The following ZDHHC11 variants were observed in gnomAD, a reference collection of about 807,000 sequenced individuals.
ZDHHC11 encodes the protein zDHHC palmitoyltransferase 11, also known as palmitoyltransferase ZDHHC11.
Under a neutral mutation model 51.3 loss-of-function variants are expected in ZDHHC11, and 44 were observed. The ratio of observed to expected loss-of-function variants is 0.86; its 90% CI spans 0.67 to 1.10. The LOEUF is 1.10. ZDHHC11 is among the 50% of genes least tolerant of loss of function. ZDHHC11 has a pLI of 0.00. For synonymous variants in ZDHHC11, 163 were observed against 222.0 expected, an observed-to-expected ratio of 0.73 and a Z score of 2.36; for missense variants, 400 against 537.7, an observed-to-expected ratio of 0.74 and a Z score of 2.53.
rs1554050773 is a variant in ZDHHC11, at chr5:809,014, C to CACACACAT, written c.1181+5746_1181+5747insATGTGTGT. ...ACACACACACACACACACACACACA[C>CACACACAT]GCACACTATTTATTCCCCACCTGTC... is the stretch of plus-strand genomic sequence containing the variant. On this transcript the variant is annotated intron_variant, in intron 11 of 12. Coordinates refer to ENST00000283441, the MANE Select transcript of ZDHHC11 (RefSeq NM_024786.3). Among the ~76,000 whole-genome samples the CACACACAT allele has an allele frequency of 1.9e-3, 260 of 138,760 alleles. 5 individuals carry two copies. The highest frequency in any genetic ancestry group is 5.9e-3 in the African/African-American group (218 of 37,222). 91.0% of individuals were successfully genotyped at this position (138,760 alleles called of 152,430 possible).
chr5:834,533 T>A (rs1743537149), intron 6 of ZDHHC11, among the ~76,000 whole-genome samples: 1 of 152,104 alleles, frequency 6.6e-6, no homozygotes, highest in East Asian at 1.9e-4. Flanking sequence ...TGTTGTTTTT[T>A]TACAATTGCA....
rs1472169414 is a variant in ZDHHC11 at position 844,368 on chromosome 5, G to C, written c.504-644C>G. 9.8e-5 allele frequency among the ~76,000 whole-genome samples: 15 copies of C among 152,418 alleles called. No individual in the cohort carries two copies. In the East Asian group the frequency reaches 2.9e-3, roughly 29 times the overall value. On this transcript the variant is annotated intron_variant, in intron 3 of 12. Coordinates refer to ENST00000283441, the MANE Select transcript of ZDHHC11 (RefSeq NM_024786.3). ...GGGGGAACCAGCCCTTTTCACGAGT[G>C]GGGAAAGTGAGGTCAGAGATGCGGT...
chr5:824,105 G>T, intron 8 of ZDHHC11: 1 of 454,810 alleles, frequency 2.2e-6, no homozygotes, highest in Non-Finnish European at 4.4e-6. Flanking sequence ...TGCCCCCACA[G>T]GGAAGGAGAA....
intron 2 of ZDHHC11, 86 bp downstream of exon 2, chr5:848,396 G>A: frequency 3.0e-6 from 2 of 666,800 alleles, no homozygotes; most frequent in Non-Finnish European, 4.7e-6. Context: ...CATGGCACGG[G>A]CCCTGAGGGG....
At chr5:853,002 GA>G (rs1747509521), upstream of ZDHHC11, among the ~76,000 whole-genome samples, 1 of 141,854 alleles carries the variant, frequency 7.0e-6, no homozygotes, top group Non-Finnish European at 1.5e-5. Flanking sequence ...GAGCCAGGGG[GA>G]CAGACCCCAT....
At chr5:805,568 TACAA>T (rs1190809725) in intron 11 of ZDHHC11, among the ~76,000 whole-genome samples, 3 of 94,892 alleles carry the variant, frequency 3.2e-5, no homozygotes, top group Non-Finnish European at 5.3e-5. Flanking sequence ...AATGGAACAT[TACAA>T]ACATTCAACT....
intron 6 of ZDHHC11, among the ~76,000 whole-genome samples, chr5:835,757 C>A (rs1476869981): frequency 3.3e-5 from 5 of 151,810 alleles, no homozygotes; most frequent in African/African-American, 9.7e-5. Context: ...CTTAATAGAG[C>A]GTCTCTGACT....
intron 11 of ZDHHC11, 109 bp downstream of exon 11, chr5:814,652 T>C: frequency 8.3e-7 from 1 of 1,198,356 alleles, no homozygotes; most frequent in South Asian, 2.0e-5. Context: ...TTCCCTTATG[T>C]CATCAGATTA....
chr5:849,779 G>C (rs916874707), intron 1 of ZDHHC11: 3 of 152,558 alleles, frequency 2.0e-5, no homozygotes, highest in African/African-American at 7.2e-5. Flanking sequence ...GTCAGCTCCC[G>C]CCCTCAGATC....
intron 10 of ZDHHC11, chr5:816,646 T>C: frequency 1.6e-6 from 1 of 626,874 alleles, no homozygotes; most frequent in Non-Finnish European, 3.1e-6. Context: ...TGATTTGGGA[T>C]TATATGCATC....
At chr5:856,031 G>A (rs1748192413) in intron 1 of ZDHHC11, among the ~76,000 whole-genome samples, 1 of 152,070 alleles carries the variant, frequency 6.6e-6, no homozygotes, top group Non-Finnish European at 1.5e-5. Flanking sequence ...CAGCGAGCAG[G>A]GGACACGGAC....
In ZDHHC11 at chr5:837,336, G is replaced by C. The variant is rs772158313; in HGVS notation, c.900+29C>G. ...GACCTTAGACATTGTCCCAGGCCTG[G>C]AGAAATGGAGCAGAGAGACAGGTGG... On this transcript the variant is annotated intron_variant, in intron 6 of 12. Transcript: ENST00000283441. 10 of 1,613,298 alleles carry C rather than the reference G, an allele frequency of 6.2e-6. No homozygotes were observed. The South Asian group carries it at 7.7e-5, about 12-fold the overall frequency.
chr5:844,484 C>G (rs1212485897), intron 3 of ZDHHC11, among the ~76,000 whole-genome samples: 3 of 152,420 alleles, frequency 2.0e-5, no homozygotes, highest in South Asian at 2.1e-4. Flanking sequence ...CCTCCCGACT[C>G]CACCTGATGC....
At chr5:848,983 C>T (rs568719298) in intron 1 of ZDHHC11, among the ~76,000 whole-genome samples, 113 of 151,156 alleles carry the variant, frequency 7.5e-4, no homozygotes, top group African/African-American at 2.6e-3. Context: ...CACCCATGCC[C>T]GGCCCTGCTC....
chr5:846,082 G>A (rs1335004760), intron 3 of ZDHHC11, among the ~76,000 whole-genome samples: 4 of 150,402 alleles, frequency 2.7e-5, no homozygotes, highest in East Asian at 1.9e-4. Context: ...CTTGGCCATC[G>A]TGGAGCTGCT....
At chr5:859,850 G>T (rs189286136), upstream of ZDHHC11, among the ~76,000 whole-genome samples, 4 of 151,730 alleles carry the variant, frequency 2.6e-5, no homozygotes, top group African/African-American at 7.3e-5. Flanking sequence ...GTGTCGGTTG[G>T]GGGGGGTCCC....
chr5:856,461 A>G (rs1748258982), intron 1 of ZDHHC11, among the ~76,000 whole-genome samples: 2 of 150,972 alleles, frequency 1.3e-5, no homozygotes, highest in Admixed American at 6.6e-5. Flanking sequence ...ACACCACACC[A>G]CACGAAACAC....
chr5:824,598 A>G (rs1467537977), intron 8 of ZDHHC11, among the ~76,000 whole-genome samples: 2 of 151,446 alleles, frequency 1.3e-5, no homozygotes, highest in Non-Finnish European at 3.0e-5. Flanking sequence ...TAACAAACAC[A>G]CACCATTCAC....
chr5:821,176 C>G (rs1341532539), intron 9 of ZDHHC11: 1 of 151,514 alleles, frequency 6.6e-6, no homozygotes, highest in Non-Finnish European at 1.5e-5. Flanking sequence ...TGCTGCTCCC[C>G]CCGGGGCAGG....
Sources: gnomAD v4.1 joint callset for allele counts (sites outside exome capture counted in the v4.1 genomes callset) on GRCh38, gnomAD v4.1.1 for gene constraint, MANE v1.5 for transcripts, NCBI Gene and HGNC (gene_info 2026-07-23, HGNC 2026-07-21) for gene names.